FGF14: variants seen among roughly 807,000 people sequenced by gnomAD.
FGF14 encodes fibroblast growth factor homologous factor 4.
FGF14 carries 5 observed loss-of-function variants against 25.5 expected under a neutral mutation model. The observed-to-expected ratio is 0.20, with a 90% CI of 0.10 to 0.41. The LOEUF (loss-of-function observed/expected upper bound fraction) is 0.41, where lower values mean the gene tolerates loss of function less well. Among genes scored for constraint, FGF14 ranks in the 10% least tolerant of loss-of-function variants. FGF14 has a pLI of 1.00. For synonymous variants in FGF14, 138 were observed against 118.3 expected (o/e 1.17, Z -1.08); for missense variants, 222 against 320.1 (o/e 0.69, Z 2.34).
intron 1 of FGF14, among the ~76,000 whole-genome samples, chr13:102,284,270 G>A (rs533126252): frequency 6.6e-6 from 1 of 152,232 alleles, no homozygotes; most frequent in African/African-American, 2.4e-5. Context: ...AACTTCATAA[G>A]ATTATCTTGA....
chr13:101,771,936 T>A (rs953522936), intron 3 of FGF14, among the ~76,000 whole-genome samples: 14 of 152,046 alleles, frequency 9.2e-5, no homozygotes, highest in Admixed American at 2.0e-4. Flanking sequence ...TATAAAACAA[T>A]GTTGTCAAAC....
chr13:101,840,624 G>C (rs544158734), intron 3 of FGF14, among the ~76,000 whole-genome samples: 10 of 151,928 alleles, frequency 6.6e-5, no homozygotes, highest in African/African-American at 2.4e-4. Context: ...GAAGTCAAAG[G>C]CATTGCTACC....
At chr13:101,764,861 T>C (rs934317276) in intron 3 of FGF14, among the ~76,000 whole-genome samples, 8 of 152,248 alleles carry the variant, frequency 5.3e-5, no homozygotes, top group African/African-American at 1.9e-4. Flanking sequence ...ACAGCTTGTA[T>C]GGAGTTGAAT....
chr13:102,375,386 T>C (rs1594988227), intron 1 of FGF14, among the ~76,000 whole-genome samples: 1 of 152,176 alleles, frequency 6.6e-6, no homozygotes, highest in South Asian at 2.1e-4. Flanking sequence ...GTATATAGTG[T>C]AATACAAATA....
At chr13:102,100,849 C>T (rs1414652785) in intron 1 of FGF14, among the ~76,000 whole-genome samples, 2 of 152,140 alleles carry the variant, frequency 1.3e-5, no homozygotes, top group Admixed American at 6.5e-5. Context: ...CCTGTAATCC[C>T]AACACTTTGG....
intron 1 of FGF14, among the ~76,000 whole-genome samples, chr13:102,094,430 T>G (rs2044302100): frequency 6.6e-6 from 1 of 152,140 alleles, no homozygotes; most frequent in Admixed American, 6.5e-5. Flanking sequence ...CAGACACCAT[T>G]AAGAAAATCA....
chr13:101,899,333 A>G (rs2031205367), intron 1 of FGF14, among the ~76,000 whole-genome samples: 1 of 152,074 alleles, frequency 6.6e-6, no homozygotes, highest in African/African-American at 2.4e-5. Context: ...AAAAATAAAT[A>G]CATATAGGAG....
At chr13:101,750,404 G>A (rs1419827486) in intron 3 of FGF14, among the ~76,000 whole-genome samples, 1 of 152,018 alleles carries the variant, frequency 6.6e-6, no homozygotes, top group Non-Finnish European at 1.5e-5. Flanking sequence ...TAACCTTTAA[G>A]GATGAAAACA....
At chr13:102,169,196 C>G (rs1213187450) in intron 1 of FGF14, among the ~76,000 whole-genome samples, 1 of 151,706 alleles carries the variant, frequency 6.6e-6, no homozygotes, top group Non-Finnish European at 1.5e-5. Flanking sequence ...ATAGGCTCGG[C>G]TTTTCACAGC....
At chr13:101,808,447 T>C (rs2041322426) in intron 3 of FGF14, among the ~76,000 whole-genome samples, 1 of 152,164 alleles carries the variant, frequency 6.6e-6, no homozygotes, top group Non-Finnish European at 1.5e-5. Context: ...TGCTCAATTT[T>C]AAAACTGAAT....
At chr13:101,932,026 A>T (rs1330836551) in intron 1 of FGF14, among the ~76,000 whole-genome samples, 2 of 152,230 alleles carry the variant, frequency 1.3e-5, no homozygotes, top group African/African-American at 4.8e-5. Context: ...TTAAGATATT[A>T]TATAAATGAT....
intron 1 of FGF14, among the ~76,000 whole-genome samples, chr13:102,009,426 C>G (rs1343925893): frequency 6.6e-6 from 1 of 151,996 alleles, no homozygotes; most frequent in Non-Finnish European, 1.5e-5. Context: ...GTTTGACGTG[C>G]ATGAGTTTGT....
chr13:101,797,039 G>C (rs536912932), intron 3 of FGF14, among the ~76,000 whole-genome samples: 1 of 152,006 alleles, frequency 6.6e-6, no homozygotes, highest in African/African-American at 2.4e-5. Flanking sequence ...CAACTCCACT[G>C]CCTATCAGCT....
intron 3 of FGF14, among the ~76,000 whole-genome samples, chr13:101,731,722 C>T (rs572784963): frequency 1.3e-4 from 20 of 152,226 alleles, no homozygotes; most frequent in African/African-American, 4.6e-4. Flanking sequence ...AAACCATAAC[C>T]TCAGAATTGA....
At chr13:102,161,602 AAGAAGAAGAAGAAGAAGAAGAAGAAG>A (rs2047679412) in intron 1 of FGF14, among the ~76,000 whole-genome samples, 4 of 3,320 alleles carry the variant, frequency 1.2e-3, no homozygotes, top group Non-Finnish European at 9.3e-4. Context: ...GAAGAAGAAG[AAGAAGAAGAAGAAGAAGAAGAAGAAG>A]AAGAAGAAGA....
At chr13:102,038,375 G>A (rs182577803) in intron 1 of FGF14, among the ~76,000 whole-genome samples, 52 of 152,260 alleles carry the variant, frequency 3.4e-4, no homozygotes, top group Middle Eastern at 3.4e-3. Context: ...CACAGTAGAA[G>A]AGATTGACTG....
At chr13:102,214,099 A>C (rs1405391973) in intron 1 of FGF14, among the ~76,000 whole-genome samples, 1 of 152,216 alleles carries the variant, frequency 6.6e-6, no homozygotes, top group Non-Finnish European at 1.5e-5. Context: ...ATTTGGCCTT[A>C]GCCTAACCTT....
rs111414772 is a variant in FGF14 at position 102,234,715 on chromosome 13, T to C, written c.208+166756A>G. ...TCTGTACATACTTCATTAATATATA[T>C]ACATATATATGTCAGACACATTGAA... is the stretch of plus-strand genomic sequence containing the variant. On this transcript the variant is annotated intron_variant, in intron 1 of 4. Transcript: ENST00000376131. 3.3e-4 allele frequency among the ~76,000 whole-genome samples: 51 copies of C among 152,326 alleles called. 1 individual carries two copies. The highest frequency in any genetic ancestry group is 1.2e-3 in the African/African-American group (49 of 41,576).
intron 1 of FGF14, among the ~76,000 whole-genome samples, chr13:102,332,290 G>T (rs2056656943): frequency 6.6e-6 from 1 of 152,020 alleles, no homozygotes; most frequent in Non-Finnish European, 1.5e-5. Context: ...AAAAGAGTAA[G>T]TATGAAAAAG....
Sources: allele counts gnomAD v4.1 joint callset (sites outside exome capture counted in the v4.1 genomes callset), GRCh38; gene constraint gnomAD v4.1.1; transcripts MANE v1.5; gene names NCBI Gene and HGNC (gene_info 2026-07-23, HGNC 2026-07-21).